Variants in CDH12 observed in about 807,000 individuals in gnomAD.
CDH12 encodes cadherin 12, also known as cadherin-12.
CDH12 carries 41 observed loss-of-function variants against 74.1 expected under a neutral mutation model. The observed-to-expected ratio is 0.55, with a 90% CI of 0.43 to 0.72. The LOEUF is 0.72. CDH12 is among the 30% of genes least tolerant of loss of function. The probability of loss-of-function intolerance (pLI) is 0.00; values close to 1 mark genes in which losing one functional copy is unlikely to be tolerated. For synonymous variants in CDH12, 399 were observed against 355.0 expected (o/e 1.12, Z -1.39); for missense variants, 945 against 977.2 (o/e 0.97, Z 0.44).
At position 21,990,663 on chromosome 5, in the gene CDH12, T is replaced by C. The variant is rs571411103; in HGVS notation, c.232-15278A>G. On this transcript the variant is annotated intron_variant, in intron 5 of 14. Transcript: ENST00000382254. The stretch of plus-strand genomic sequence containing the variant: ...AGATTGTAGAAAAAGCTATCAAGCT[T>C]CTATATTTTGCCAGGCAACTTTCTA... 1.0e-3 allele frequency among the ~76,000 whole-genome samples: 157 copies of C among 152,074 alleles called. 1 individual carries two copies. Among genetic ancestry groups the C allele is most frequent in the Non-Finnish European group, 1.5e-4 (10 of 67,900 alleles).
chr5:22,814,771 CAT>C (rs1261206817), intron 1 of CDH12, among the ~76,000 whole-genome samples: 6 of 152,036 alleles, frequency 3.9e-5, no homozygotes, highest in African/African-American at 1.4e-4. Context: ...ACAGAGATGT[CAT>C]ATGTAATTTG....
intron 1 of CDH12, among the ~76,000 whole-genome samples, chr5:22,509,236 C>T (rs2126668463): frequency 6.6e-6 from 1 of 152,270 alleles, no homozygotes. Context: ...ATTTCTTTCC[C>T]TTCAGACTAG....
intron 3 of CDH12, among the ~76,000 whole-genome samples, chr5:22,248,014 C>T (rs1301198380): frequency 2.6e-5 from 4 of 152,046 alleles, no homozygotes; most frequent in East Asian, 1.9e-4. Context: ...AAGAATATCT[C>T]GGCCAGGTAC....
chr5:22,713,127 T>G (rs906935852), intron 1 of CDH12, among the ~76,000 whole-genome samples: 1 of 138,684 alleles, frequency 7.2e-6, no homozygotes, highest in Admixed American at 8.1e-5. Context: ...GATCTTATGC[T>G]AATTCTTTTT....
chr5:22,803,863 A>G (rs1365605367), intron 1 of CDH12, among the ~76,000 whole-genome samples: 3 of 152,106 alleles, frequency 2.0e-5, no homozygotes, highest in Non-Finnish European at 2.9e-5. Context: ...AGAAGTCTAT[A>G]TAGTTTCTGT....
At chr5:21,832,609 A>C (rs1749085440) in intron 8 of CDH12, among the ~76,000 whole-genome samples, 1 of 151,098 alleles carries the variant, frequency 6.6e-6, no homozygotes, top group East Asian at 1.9e-4. Flanking sequence ...TTTAATATTT[A>C]GTCTTTACCC....
intron 6 of CDH12, among the ~76,000 whole-genome samples, chr5:21,904,924 GA>G (rs1486863492): frequency 6.6e-6 from 1 of 152,108 alleles, no homozygotes; most frequent in East Asian, 1.9e-4. Flanking sequence ...TAACACTAAG[GA>G]CATAGAAAAG....
At chr5:22,083,363 G>A (rs1417286308) in intron 4 of CDH12, among the ~76,000 whole-genome samples, 1 of 152,008 alleles carries the variant, frequency 6.6e-6, no homozygotes, top group Non-Finnish European at 1.5e-5. Flanking sequence ...TATATTAGGA[G>A]TGTACTCATG....
intron 6 of CDH12, among the ~76,000 whole-genome samples, chr5:21,869,433 A>C (rs1751501784): frequency 6.6e-6 from 1 of 152,156 alleles, no homozygotes. Context: ...TGAGCACATG[A>C]CTAGTTGTAG....
chr5:21,872,786 CTAT>C (rs1751697010), intron 6 of CDH12, among the ~76,000 whole-genome samples: 2 of 22,482 alleles, frequency 8.9e-5, no homozygotes, highest in African/African-American at 5.4e-4. Context: ...AGAGTAAGAT[CTAT>C]CTATCTATCT....
intron 4 of CDH12, among the ~76,000 whole-genome samples, chr5:22,174,747 C>T (rs145332052): frequency 1.9e-3 from 285 of 152,058 alleles, no homozygotes; most frequent in Non-Finnish European, 3.3e-3. Context: ...TTCTAATTAA[C>T]CGAATCCACC....
chr5:22,712,223 A>G (rs1468012683), intron 1 of CDH12, among the ~76,000 whole-genome samples: 1 of 151,984 alleles, frequency 6.6e-6, no homozygotes, highest in Non-Finnish European at 1.5e-5. Flanking sequence ...GGTAAAAATG[A>G]CATTTGAAAA....
chr5:22,383,068 G>A (rs1475992381), intron 3 of CDH12, among the ~76,000 whole-genome samples: 2 of 143,880 alleles, frequency 1.4e-5, no homozygotes, highest in African/African-American at 2.5e-5. Context: ...CCGACCTCAG[G>A]TGATCCACCC....
At chr5:22,144,224 T>A (rs570424399) in intron 4 of CDH12, 5 of 152,320 alleles carry the variant, frequency 3.3e-5, no homozygotes, top group African/African-American at 1.2e-4. Flanking sequence ...ATCCACTAAC[T>A]GTTTAGAAAT....
At position 22,743,094 on chromosome 5, in the gene CDH12, C is replaced by A. The variant is rs1052544024; in HGVS notation, c.-523+109964G>T. ...AAAATATTAGCTCTTTCCAGTACTT[C>A]AGCTTGTCAGTCTTCAGACTGAAAC... On this transcript the variant is annotated intron_variant, in intron 1 of 14. Coordinates refer to ENST00000382254, the MANE Select transcript of CDH12 (RefSeq NM_004061.5). 1.2e-4 allele frequency among the ~76,000 whole-genome samples: 18 copies of A among 151,476 alleles called. 1 individual carries two copies. The highest frequency in any genetic ancestry group is 8.6e-4 in the Admixed American group (13 of 15,188).
At chr5:22,092,475 C>G (rs116221034) in intron 4 of CDH12, among the ~76,000 whole-genome samples, 4 of 152,080 alleles carry the variant, frequency 2.6e-5, no homozygotes, top group African/African-American at 9.7e-5. Flanking sequence ...TTCTCCAAAT[C>G]AGATACACAC....
At chr5:22,560,577 A>G (rs1739001260) in intron 1 of CDH12, among the ~76,000 whole-genome samples, 1 of 152,150 alleles carries the variant, frequency 6.6e-6, no homozygotes, top group African/African-American at 2.4e-5. Flanking sequence ...TCAATTACCT[A>G]AGAAGATATT....
chr5:22,600,710 T>C (rs1384120682), intron 1 of CDH12, among the ~76,000 whole-genome samples: 1 of 152,112 alleles, frequency 6.6e-6, no homozygotes, highest in Non-Finnish European at 1.5e-5. Flanking sequence ...CTATTTAGTA[T>C]AGTTTATCTT....
At chr5:22,607,994 G>A (rs1737204324) in intron 1 of CDH12, among the ~76,000 whole-genome samples, 1 of 152,238 alleles carries the variant, frequency 6.6e-6, no homozygotes, top group African/African-American at 2.4e-5. Context: ...ACCTCCGCTA[G>A]AGTAGTGCAG....
Sources: allele counts gnomAD v4.1 joint callset (sites outside exome capture counted in the v4.1 genomes callset), GRCh38; gene constraint gnomAD v4.1.1; transcripts MANE v1.5; gene names NCBI Gene and HGNC (gene_info 2026-07-23, HGNC 2026-07-21).